UNC13B: variants seen among roughly 807,000 people sequenced by gnomAD.
The protein encoded by UNC13B is unc-13 homolog B.
A neutral mutation model predicts 211.0 loss-of-function variants in UNC13B; 144 were observed. The ratio of observed to expected loss-of-function variants is 0.68; its 90% CI spans 0.60 to 0.78. The LOEUF (loss-of-function observed/expected upper bound fraction) is 0.78. Ranked by LOEUF, UNC13B falls within the 30% of genes least tolerant of loss-of-function variation. The pLI is 0.00. For missense variants in UNC13B, 1,777 were observed against 2,002.0 expected, an observed-to-expected ratio of 0.89 and a Z score of 2.14; for synonymous variants, 709 against 725.8, an observed-to-expected ratio of 0.98 and a Z score of 0.37.
rs1307157180 is a variant in UNC13B at position 35,302,384 on chromosome 9, A to T, written c.2980A>T (p.Asn994Tyr). 1 of 398,514 alleles carries T rather than the reference A, an allele frequency of 2.5e-6. No homozygotes were observed. The highest frequency in any genetic ancestry group is 4.4e-5 in the Admixed American group (1 of 22,696). 24.7% of individuals were successfully genotyped at this position (398,514 alleles called of 1,614,324 possible). A position where few individuals can be genotyped will look rare whatever the true frequency, so the allele number is the denominator to read the frequency against. ...GGAATTTAATAAGAATGACCAAGTA[A>T]ATTGTCCTGAAGATGCCAAACTTAG... ...IKEFNKNDQV[N>Y]CPEDAKLSSI... The change falls in exon 9 of 40, where the codon AAT becomes TAT. Residue 994 changes from asparagine (N) to tyrosine (Y), a missense_variant. Transcript: ENST00000635942.
chr9:35,249,817 C>G (rs529227175), intron 6 of UNC13B, among the ~76,000 whole-genome samples: 2 of 152,302 alleles, frequency 1.3e-5, no homozygotes, highest in African/African-American at 4.8e-5. Context: ...TTTGGTGAAT[C>G]TGACAATTAT....
chr9:35,249,212 A>T (rs77271572), intron 6 of UNC13B, among the ~76,000 whole-genome samples: 1 of 151,968 alleles, frequency 6.6e-6, no homozygotes, highest in Non-Finnish European at 1.5e-5. Flanking sequence ...TGCTTGGTAG[A>T]TCTTCCTCCA....
At chr9:35,176,256 A>G (rs10814209) in intron 1 of UNC13B, among the ~76,000 whole-genome samples, 28,130 of 151,860 alleles carry the variant, frequency 0.19, 2,944 homozygotes, top group Non-Finnish European at 0.24. Context: ...TATTCTTTCA[A>G]CAACTATTGG....
At chr9:35,236,794 A>G (rs1473257800) in intron 4 of UNC13B, among the ~76,000 whole-genome samples, 2 of 152,022 alleles carry the variant, frequency 1.3e-5, no homozygotes, top group East Asian at 3.9e-4. Flanking sequence ...TCCTGTGACA[A>G]CTCACAGGCT....
chr9:35,352,070 G>A (rs1832750521), intron 11 of UNC13B: 2 of 1,232,060 alleles, frequency 1.6e-6, no homozygotes, highest in Non-Finnish European at 2.0e-6. Context: ...TAGCTGTGTA[G>A]ACTCAGTACT....
chr9:35,370,178 C>T (rs1834025082), intron 12 of UNC13B, 140 bp from the exon 13 acceptor site: 2 of 624,670 alleles, frequency 3.2e-6, no homozygotes, highest in African/African-American at 3.7e-5. Context: ...TTCTGTCTTT[C>T]CTTCCCGTCC....
intron 6 of UNC13B, among the ~76,000 whole-genome samples, chr9:35,254,339 C>G (rs1365534922): frequency 6.6e-6 from 1 of 152,178 alleles, no homozygotes; most frequent in Non-Finnish European, 1.5e-5. Context: ...CATTCATTGT[C>G]TGGTGAGGGC....
intron 11 of UNC13B, among the ~76,000 whole-genome samples, chr9:35,329,964 A>G (rs540086662): frequency 2.6e-5 from 4 of 152,194 alleles, no homozygotes. Flanking sequence ...ACTGGTAGAC[A>G]CAGAGCCCAA....
chr9:35,299,415 C>T (rs904318152), intron 8 of UNC13B, among the ~76,000 whole-genome samples: 8 of 152,078 alleles, frequency 5.3e-5, no homozygotes, highest in African/African-American at 1.9e-4. Context: ...AGCTTGGCTT[C>T]TTTTTAGACT....
chr9:35,250,556 A>G (rs915929664), intron 6 of UNC13B, among the ~76,000 whole-genome samples: 3 of 152,204 alleles, frequency 2.0e-5, no homozygotes, highest in Non-Finnish European at 4.4e-5. Context: ...AAATTCATTC[A>G]TTAGTTGATG....
At chr9:35,397,803 G>A (rs1835987638) in intron 30 of UNC13B, 91 bp downstream of exon 30, 10 of 1,369,168 alleles carry the variant, frequency 7.3e-6, no homozygotes, top group South Asian at 2.5e-5. Flanking sequence ...GAGGGTTGGG[G>A]TGACACTCCT....
At chr9:35,375,945 A>C (rs1587724666) in intron 14 of UNC13B, 83 bp from the exon 15 acceptor site, 1 of 1,390,594 alleles carries the variant, frequency 7.2e-7, no homozygotes, top group Non-Finnish European at 1.0e-6. Flanking sequence ...ATACCACTGC[A>C]CTCCAGCCTG....
At chr9:35,335,312 A>G (rs950411808) in intron 11 of UNC13B, among the ~76,000 whole-genome samples, 15 of 152,226 alleles carry the variant, frequency 9.9e-5, no homozygotes, top group Non-Finnish European at 2.9e-5. Context: ...GTTTGCAAGC[A>G]TATGCCATGG....
rs139988183 is a variant in UNC13B at position 35,251,752 on chromosome 9, T to C, written c.469-7241T>C. Among the ~76,000 whole-genome samples, 15 of 152,350 alleles carry C rather than the reference T, an allele frequency of 9.8e-5. No individual in the cohort carries two copies. In the East Asian group the frequency reaches 2.7e-3, roughly 27 times the overall value. On this transcript the variant is annotated intron_variant, in intron 6 of 39. Coordinates refer to ENST00000635942, the MANE Select transcript of UNC13B (RefSeq NM_001371189.2). ...CAATACCTAGTCTTTTCAATTTTCT[T>C]TATTATCTAGAAGATGTGTTTTCAT...
intron 1 of UNC13B, among the ~76,000 whole-genome samples, chr9:35,198,880 C>CT (rs1242328469): frequency 2.0e-5 from 3 of 152,140 alleles, no homozygotes; most frequent in Non-Finnish European, 2.9e-5. Flanking sequence ...TATTATTATA[C>CT]TTTAAGTTCT....
At chr9:35,226,375 T>C (rs1037316156) in intron 1 of UNC13B, among the ~76,000 whole-genome samples, 6 of 152,096 alleles carry the variant, frequency 3.9e-5, no homozygotes, top group Non-Finnish European at 7.4e-5. Flanking sequence ...TGTGTGTATG[T>C]GTGTGTGTGA....
At chr9:35,229,371 T>C (rs1193601465) in intron 2 of UNC13B, among the ~76,000 whole-genome samples, 1 of 152,220 alleles carries the variant, frequency 6.6e-6, no homozygotes, top group South Asian at 2.1e-4. Context: ...GCTGGCTCTT[T>C]TTTTCTGAGA....
chr9:35,184,729 G>A (rs1822242906), intron 1 of UNC13B, among the ~76,000 whole-genome samples: 1 of 138,694 alleles, frequency 7.2e-6, no homozygotes, highest in African/African-American at 2.7e-5. Context: ...AGAAAGGGGA[G>A]AGAGGGAGAC....
chr9:35,229,438 A>G (rs946060062), intron 2 of UNC13B, among the ~76,000 whole-genome samples: 2 of 152,142 alleles, frequency 1.3e-5, no homozygotes, highest in Admixed American at 6.5e-5. Context: ...TCTTGTACCC[A>G]TAATAGCTGC....
Sources: gnomAD v4.1 joint callset for allele counts (sites outside exome capture counted in the v4.1 genomes callset) on GRCh38, gnomAD v4.1.1 for gene constraint, MANE v1.5 for transcripts, NCBI Gene and HGNC (gene_info 2026-07-23, HGNC 2026-07-21) for gene names.